Variants in EAF2 observed in about 807,000 individuals in gnomAD.
The protein encoded by EAF2 is ELL-associated factor 2.
A neutral mutation model predicts 29.4 loss-of-function variants in EAF2; 29 were observed. The observed-to-expected ratio is 0.99, with a 90% CI of 0.73 to 1.35. EAF2 has a LOEUF of 1.35. Ranked by LOEUF, EAF2 falls within the 40% of genes most tolerant of loss-of-function variation. The pLI, the probability that EAF2 is intolerant of heterozygous loss-of-function variation, is 0.00. For missense variants in EAF2, 292 were observed against 312.0 expected, an observed-to-expected ratio of 0.94 and a Z score of 0.48; for synonymous variants, 103 against 102.5, an observed-to-expected ratio of 1.00 and a Z score of -0.03.
chr3:121,857,012 G>C lies in EAF2; in HGVS notation c.340G>C (p.Val114Leu). ...SSNITVKKTR[V>L]EGSSKIQYRK... is the part of the protein sequence containing the mutation. Reference sequence around the variant, plus strand: ...AATATTTGATATTCTTAATTGCAGAGTTGAAGGAAGCAGTAAAATTCAGTA... The same window carrying C: ...AATATTTGATATTCTTAATTGCAGACTTGAAGGAAGCAGTAAAATTCAGTA... Residue 114 changes from valine (V) to leucine (L), a missense_variant and splice_region_variant, in exon 4 of 6, where the codon GTT (valine) becomes CTT (leucine). Coordinates refer to ENST00000273668, the MANE Select transcript of EAF2 (RefSeq NM_018456.6). 1 of 1,609,054 alleles carries C rather than the reference G, an allele frequency of 6.2e-7. No homozygotes were observed. Among genetic ancestry groups the C allele is most frequent in the Non-Finnish European group, 8.5e-7 (1 of 1,178,388 alleles).
At chr3:121,874,221 C>A (rs1709061361) in intron 5 of EAF2, among the ~76,000 whole-genome samples, 1 of 151,740 alleles carries the variant, frequency 6.6e-6, no homozygotes, top group South Asian at 2.1e-4. Flanking sequence ...GAAAGACTGA[C>A]TAGCTTTAGC....
In EAF2 at chr3:121,857,146, T is replaced by C; in HGVS notation, c.474T>C (p.Asp158=). The part of the protein sequence containing the change: ...DKMSPASPID[D]IERELKAEAS... ...TGTCCCCAGCATCTCCAATAGATGA[T>C]ATCGAAAGAGGTAAAATCTAAGTAT... The change falls in exon 4 of 6, where the codon GAT becomes GAC. Residue 158 remains aspartate (D), a synonymous_variant. Coordinates refer to ENST00000273668, the MANE Select transcript of EAF2 (RefSeq NM_018456.6). 1 of 1,609,016 alleles carries C rather than the reference T, an allele frequency of 6.2e-7. No homozygotes were observed.
In EAF2 at chr3:121,872,146, C is replaced by T. The variant is rs193180512; in HGVS notation, c.485-391C>T. Among the ~76,000 whole-genome samples the T allele has an allele frequency of 3.2e-4, 49 of 151,956 alleles. 1 individual carries two copies. Among genetic ancestry groups the T allele is most frequent in the Admixed American group, 3.2e-3 (49 of 15,254 alleles). ...GGAAAACCAGGAAAAGAATGAAGTT[C>T]ATCTGTTACATTATCACATTATATT... On this transcript the variant is annotated intron_variant, in intron 4 of 5. Coordinates refer to ENST00000273668, the MANE Select transcript of EAF2 (RefSeq NM_018456.6).
chr3:121,854,748 T>A lies in EAF2; in HGVS notation c.263T>A (p.Ile88Asn), dbSNP rs757050821. ...AAAAAACCTTACTTAAAAGAATGCATTTTGATTATTAACCATGATACTGGA... is the reference window on the plus strand; with the variant it reads ...AAAAAACCTTACTTAAAAGAATGCAATTTGATTATTAACCATGATACTGGA... ...GSKKPYLKEC[I>N]LIINHDTGEC... Residue 88 changes from isoleucine (I) to asparagine (N), a missense_variant, in exon 3 of 6, where the codon ATT (isoleucine) becomes AAT (asparagine). By Grantham distance (149) the Ile-to-Asn change is moderately radical. Coordinates refer to ENST00000273668, the MANE Select transcript of EAF2 (RefSeq NM_018456.6). The A allele has an allele frequency of 1.3e-5, 21 of 1,567,830 alleles. No homozygotes were observed. Among genetic ancestry groups the A allele is most frequent in the East Asian group, 2.4e-5 (1 of 42,160 alleles).
intron 3 of EAF2, among the ~76,000 whole-genome samples, chr3:121,856,662 A>G: frequency 6.6e-6 from 1 of 152,138 alleles, no homozygotes; most frequent in South Asian, 2.1e-4. Context: ...TATTATTTTT[A>G]TACAGACAGG....
intron 4 of EAF2, among the ~76,000 whole-genome samples, chr3:121,861,405 A>T (rs1406091610): frequency 5.3e-5 from 8 of 152,110 alleles, no homozygotes; most frequent in Admixed American, 5.2e-4. Flanking sequence ...TGCTGAATTG[A>T]TCCCTTTCCA....
chr3:121,882,657 A>C (rs1709208742), intron 5 of EAF2, among the ~76,000 whole-genome samples: 1 of 152,120 alleles, frequency 6.6e-6, no homozygotes, highest in Non-Finnish European at 1.5e-5. Flanking sequence ...CTACATAGGA[A>C]ATCCAAAAGA....
chr3:121,878,138 T>A (rs1447073531), intron 5 of EAF2, among the ~76,000 whole-genome samples: 1 of 152,160 alleles, frequency 6.6e-6, no homozygotes, highest in African/African-American at 2.4e-5. Context: ...TAAAAATTTG[T>A]TTCTTTGAAA....
chr3:121,883,110 A>G (rs142936257), intron 5 of EAF2, among the ~76,000 whole-genome samples: 3 of 152,328 alleles, frequency 2.0e-5, no homozygotes, highest in African/African-American at 4.8e-5. Context: ...ATCAGAAGAT[A>G]CAATGAAGTA....
At chr3:121,841,471 C>T (rs1708423246) in intron 1 of EAF2, among the ~76,000 whole-genome samples, 1 of 132,474 alleles carries the variant, frequency 7.5e-6, no homozygotes, top group African/African-American at 2.9e-5. Flanking sequence ...CGCCACTGTA[C>T]TCCATCCTAG....
intron 4 of EAF2, among the ~76,000 whole-genome samples, chr3:121,859,927 A>G (rs967952652): frequency 2.0e-5 from 3 of 152,192 alleles, no homozygotes; most frequent in Non-Finnish European, 2.9e-5. Context: ...CTATTGAGAT[A>G]ATTGTGTGGT....
intron 4 of EAF2, among the ~76,000 whole-genome samples, chr3:121,864,480 C>T (rs1708889826): frequency 6.6e-6 from 1 of 151,842 alleles, no homozygotes. Flanking sequence ...TACAGAAAAT[C>T]AAGATATTGA....
chr3:121,856,447 G>A (rs1040404704), intron 3 of EAF2, among the ~76,000 whole-genome samples: 1 of 151,814 alleles, frequency 6.6e-6, no homozygotes, highest in African/African-American at 2.4e-5. Flanking sequence ...CGAAAGTGCT[G>A]GGATTATAGG....
At position 121,857,088 on chromosome 3, in the gene EAF2, A is replaced by G. The variant is rs750219136; in HGVS notation, c.416A>G (p.Asn139Ser). Residue 139 changes from asparagine (N) to serine (S), a missense_variant, in exon 4 of 6, where the codon AAT (asparagine) becomes AGT (serine). By Grantham distance (46) the Asn-to-Ser change is conservative. Transcript: ENST00000273668. ...QQMWNSARTP[N>S]LVKHSPSEDK... ...ATGTGGAATTCAGCCAGGACTCCCA[A>G]TCTTGTAAAACATTCTCCATCTGAA... 9 of 1,613,762 alleles carry G rather than the reference A, an allele frequency of 5.6e-6. No homozygotes were observed. The highest frequency in any genetic ancestry group is 7.6e-6 in the Non-Finnish European group (9 of 1,179,806).
intron 3 of EAF2, 79 bp downstream of exon 3, chr3:121,854,902 A>T: frequency 7.9e-7 from 1 of 1,271,896 alleles, no homozygotes; most frequent in Non-Finnish European, 1.1e-6. Flanking sequence ...ATTAAGTCAC[A>T]TTATAATATA....
At chr3:121,864,289 G>A (rs1708885822) in intron 4 of EAF2, among the ~76,000 whole-genome samples, 1 of 152,080 alleles carries the variant, frequency 6.6e-6, no homozygotes, top group African/African-American at 2.4e-5. Flanking sequence ...TCCCTTCTAA[G>A]CCCAGTAGAG....
intron 2 of EAF2, among the ~76,000 whole-genome samples, chr3:121,851,265 AC>A (rs1467068316): frequency 6.6e-6 from 1 of 151,338 alleles, no homozygotes; most frequent in Non-Finnish European, 1.5e-5. Flanking sequence ...GCAGCCTCCA[AC>A]TCCTGGGCTC....
intron 4 of EAF2, among the ~76,000 whole-genome samples, chr3:121,862,858 C>G (rs552546926): frequency 2.0e-5 from 3 of 152,216 alleles, no homozygotes; most frequent in South Asian, 4.1e-4. Context: ...ATAATGGTGA[C>G]GTACAGATGG....
intron 4 of EAF2, among the ~76,000 whole-genome samples, chr3:121,861,304 T>C (rs1172956042): frequency 6.6e-6 from 1 of 152,208 alleles, no homozygotes; most frequent in African/African-American, 2.4e-5. Context: ...TTTGGGAGTC[T>C]AAGTCTCTTT....
Sources: gnomAD v4.1 joint callset for allele counts (sites outside exome capture counted in the v4.1 genomes callset) on GRCh38, gnomAD v4.1.1 for gene constraint, MANE v1.5 for transcripts, NCBI Gene and HGNC (gene_info 2026-07-23, HGNC 2026-07-21) for gene names.